SLC27A2: variants seen among roughly 807,000 people sequenced by gnomAD.
SLC27A2 encodes the protein solute carrier family 27 member 2, also known as long-chain fatty acid transport protein 2.
SLC27A2 carries 54 observed loss-of-function variants against 60.0 expected under a neutral mutation model. That is an observed-to-expected ratio of 0.90 (90% CI 0.72 to 1.13). The LOEUF is 1.13. Ranked by LOEUF, SLC27A2 falls within the 50% of genes most tolerant of loss-of-function variation. The pLI is 0.00. For missense variants in SLC27A2, 739 were observed against 777.6 expected (o/e 0.95, Z 0.59); for synonymous variants, 297 against 297.6 (o/e 1.00, Z 0.02).
At chr15:50,211,325 C>A (rs894769957) in intron 4 of SLC27A2, among the ~76,000 whole-genome samples, 32 of 152,318 alleles carry the variant, frequency 2.1e-4, no homozygotes, top group African/African-American at 7.2e-4. Context: ...AGACAACCCC[C>A]AGTACCAGCC....
rs971918921 is a variant in SLC27A2, at chr15:50,205,454, A to C, written c.972+91A>C. 4 of 1,304,394 alleles carry C rather than the reference A, an allele frequency of 3.1e-6. No homozygotes were observed. In the Admixed American group the frequency reaches 6.0e-5, roughly 20 times the overall value. The allele number at this position is 1,304,394 out of a possible 1,614,324, so 80.8% of individuals were successfully genotyped here. A position where few individuals can be genotyped will look rare whatever the true frequency, so the allele number is the denominator to read the frequency against. On this transcript the variant is annotated intron_variant, in intron 4 of 9. Coordinates refer to ENST00000267842, the MANE Select transcript of SLC27A2 (RefSeq NM_003645.4). ...TTGTGCTAGGCTTCAACTGATTTGC[A>C]TATATCAGTTTTGAGTTTAGGATAC...
chr15:50,232,796 A>G (rs1309242060), intron 8 of SLC27A2, among the ~76,000 whole-genome samples: 1 of 152,250 alleles, frequency 6.6e-6, no homozygotes, highest in South Asian at 2.1e-4. Flanking sequence ...TCTCTCCCTC[A>G]GACAAGAAGC....
In SLC27A2 at chr15:50,182,357, G is replaced by T; in HGVS notation, c.-71G>T. 1 of 1,400,486 alleles carries T rather than the reference G, an allele frequency of 7.1e-7. No individual in the cohort carries two copies. Among genetic ancestry groups the T allele is most frequent in the Non-Finnish European group, 9.3e-7 (1 of 1,079,208 alleles). The allele number at this position is 1,400,486 out of a possible 1,614,324, so 86.8% of individuals were successfully genotyped here. A position where few individuals can be genotyped will look rare whatever the true frequency, so the allele number is the denominator to read the frequency against. On this transcript the variant is annotated 5_prime_UTR_variant, in exon 1 of 10. Coordinates refer to ENST00000267842, the MANE Select transcript of SLC27A2 (RefSeq NM_003645.4). ...CAGCCCGCCAGTCCGCCCGGAGCCC[G>T]CCCAGTCGCCGCGCTGCACGCCCGG...
At chr15:50,187,984 A>T (rs1327397711) in intron 1 of SLC27A2, among the ~76,000 whole-genome samples, 1 of 151,764 alleles carries the variant, frequency 6.6e-6, no homozygotes, top group Non-Finnish European at 1.5e-5. Context: ...AAAAAAAAAA[A>T]AGGAGAGAGA....
At chr15:50,225,846 T>C (rs571813717) in intron 5 of SLC27A2, 142 bp from the exon 6 acceptor site, 1 of 509,972 alleles carries the variant, frequency 2.0e-6, no homozygotes, top group Non-Finnish European at 3.5e-6. Flanking sequence ...TCTCTGTCTC[T>C]CTCTGGGTGG....
chr15:50,227,871 G>A (rs1321123952), intron 7 of SLC27A2, among the ~76,000 whole-genome samples: 1 of 152,204 alleles, frequency 6.6e-6, no homozygotes, highest in Non-Finnish European at 1.5e-5. Flanking sequence ...TAGAAAGACA[G>A]CAGGTGGAAT....
intron 1 of SLC27A2, among the ~76,000 whole-genome samples, chr15:50,185,621 CTTTTTTTTTTTTT>C (rs531026687): frequency 8.4e-5 from 8 of 95,774 alleles, no homozygotes; most frequent in South Asian, 3.5e-4. Context: ...AGGAAGCTTA[CTTTTTTTTTTTTT>C]TTTTTTTTTT....
Position 50,223,050 on chromosome 15 carries a change from T to C in SLC27A2, c.1058T>C (p.Phe353Ser), listed in dbSNP as rs181095669. 2.5e-6 allele frequency: 4 copies of C among 1,613,978 alleles called. No homozygotes were observed. In the East Asian group the frequency reaches 6.7e-5, roughly 27 times the overall value. ...GTGTGGAGACAATTTGTCAAGAGAT[T>C]TGGGGACATATGCATCTATGAGTTC... ...GDVWRQFVKRFGDICIYEFYA... is the reference protein window; with the variant it reads ...GDVWRQFVKRSGDICIYEFYA... Residue 353 changes from phenylalanine to serine, a missense_variant, in exon 5 of 10, where the codon TTT becomes TCT. Phe to Ser is a radical substitution (Grantham distance 155). Transcript: ENST00000267842.
At position 50,182,223 on chromosome 15, in the gene SLC27A2, G is replaced by T. The variant is rs190379442; in HGVS notation, c.-205G>T. ...TCCTGCCCGGAACCCCCGGCAACGC[G>T]CATACGACTACACCTGCTCCGGAGC... On this transcript the variant is annotated 5_prime_UTR_variant, in exon 1 of 10. Transcript: ENST00000267842. 2.2e-3 allele frequency: 1,649 copies of T among 749,068 alleles called. 10 individuals carry two copies. Among genetic ancestry groups the T allele is most frequent in the South Asian group, 0.011 (198 of 17,280 alleles). The allele number at this position is 749,068 out of a possible 1,614,324, so 46.4% of individuals were successfully genotyped here. A position where few individuals can be genotyped will look rare whatever the true frequency, so the allele number is the denominator to read the frequency against.
chr15:50,187,568 G>T (rs888285151), intron 1 of SLC27A2, among the ~76,000 whole-genome samples: 1 of 152,038 alleles, frequency 6.6e-6, no homozygotes, highest in South Asian at 2.1e-4. Context: ...TCACTGGCAG[G>T]GTATACACTG....
chr15:50,221,783 T>A (rs2045244213), intron 4 of SLC27A2: 1 of 152,290 alleles, frequency 6.6e-6, no homozygotes. Flanking sequence ...AGTAACAGAA[T>A]TTACAACGTA....
At chr15:50,226,789 G>A (rs2045281144) in intron 6 of SLC27A2, among the ~76,000 whole-genome samples, 191 bp from the exon 7 acceptor site, 1 of 152,150 alleles carries the variant, frequency 6.6e-6, no homozygotes, top group Non-Finnish European at 1.5e-5. Context: ...TACAGTATAT[G>A]TGTGTGTGGT....
chr15:50,196,227 A>G, intron 1 of SLC27A2, among the ~76,000 whole-genome samples: 1 of 149,674 alleles, frequency 6.7e-6, no homozygotes, highest in Non-Finnish European at 1.5e-5. Flanking sequence ...CAAGCATGAA[A>G]TGTGGTTTGC....
rs533427253 is a variant in SLC27A2, at chr15:50,195,778, C to A, written c.479-1722C>A. ...AGGTGTAGCCTCCCCAAGGTAATAC[C>A]CTGGGACATTTAGTCACCTTCCTAC... On this transcript the variant is annotated intron_variant, in intron 1 of 9. Transcript: ENST00000267842. Among the ~76,000 whole-genome samples the A allele has an allele frequency of 1.2e-3, 181 of 151,096 alleles. 2 individuals carry two copies. The highest frequency in any genetic ancestry group is 1.0e-3 in the Non-Finnish European group (69 of 67,776).
chr15:50,213,936 G>A (rs886676211), intron 4 of SLC27A2, among the ~76,000 whole-genome samples: 3 of 151,550 alleles, frequency 2.0e-5, no homozygotes, highest in African/African-American at 7.3e-5. Flanking sequence ...CCCAAACCCA[G>A]CAGAAGAAGG....
chr15:50,210,840 G>A (rs1299930707), intron 4 of SLC27A2, among the ~76,000 whole-genome samples: 1 of 152,196 alleles, frequency 6.6e-6, no homozygotes, highest in Non-Finnish European at 1.5e-5. Context: ...CCTGGAAGCT[G>A]GGTGAGGCCT....
At chr15:50,205,467 G>C in intron 4 of SLC27A2, 104 bp downstream of exon 4, 1 of 1,181,810 alleles carries the variant, frequency 8.5e-7, no homozygotes, top group Non-Finnish European at 1.2e-6. Flanking sequence ...TATCAGTTTT[G>C]AGTTTAGGAT....
In SLC27A2 at chr15:50,206,899, T is replaced by G. The variant is rs183643989; in HGVS notation, c.972+1536T>G. On this transcript the variant is annotated intron_variant, in intron 4 of 9. Transcript: ENST00000267842. ...ATATTATTCTGATTTTTTGGCATATTCAATAGATTCTCGAGGATCATCATT... is the reference window on the plus strand; with the variant it reads ...ATATTATTCTGATTTTTTGGCATATGCAATAGATTCTCGAGGATCATCATT... Among the ~76,000 whole-genome samples the G allele has an allele frequency of 5.1e-3, 783 of 152,342 alleles. 3 individuals carry two copies. The highest frequency in any genetic ancestry group is 9.0e-3 in the Non-Finnish European group (610 of 68,028).
intron 1 of SLC27A2, 150 bp downstream of exon 1, chr15:50,183,055 A>G: frequency 5.1e-6 from 4 of 789,400 alleles, no homozygotes; most frequent in South Asian, 1.7e-5. Flanking sequence ...TTGAATCGCA[A>G]ATAATGATCT....
Sources: allele counts gnomAD v4.1 joint callset (sites outside exome capture counted in the v4.1 genomes callset), GRCh38; gene constraint gnomAD v4.1.1; transcripts MANE v1.5; gene names NCBI Gene and HGNC (gene_info 2026-07-23, HGNC 2026-07-21).